NAALADL2: variants seen among roughly 807,000 people sequenced by gnomAD.
NAALADL2 encodes N-acetylated alpha-linked acidic dipeptidase like 2.
Under a neutral mutation model 87.2 loss-of-function variants are expected in NAALADL2, and 76 were observed. The observed-to-expected ratio is 0.87, with a 90% CI of 0.72 to 1.05. The LOEUF (loss-of-function observed/expected upper bound fraction) is 1.05. Among genes scored for constraint, NAALADL2 ranks in the 50% least tolerant of loss-of-function variants. The pLI, the probability that NAALADL2 is intolerant of heterozygous loss-of-function variation, is 0.00. For synonymous variants in NAALADL2, 354 were observed against 331.0 expected (o/e 1.07, Z -0.75); for missense variants, 1,089 against 945.8 (o/e 1.15, Z -1.99).
intron 1 of NAALADL2, among the ~76,000 whole-genome samples, chr3:174,860,078 A>C (rs575367815): frequency 2.5e-4 from 38 of 152,192 alleles, no homozygotes; most frequent in African/African-American, 8.7e-4. Flanking sequence ...CACCGAAACA[A>C]ATTTAAGGTC....
intron 1 of NAALADL2, among the ~76,000 whole-genome samples, chr3:174,893,535 A>G (rs999925127): frequency 6.6e-6 from 1 of 152,168 alleles, no homozygotes; most frequent in Non-Finnish European, 1.5e-5. Flanking sequence ...AATAGAAGAA[A>G]CAAAAAGTTA....
intron 2 of NAALADL2, among the ~76,000 whole-genome samples, chr3:174,612,095 G>T (rs962746014): frequency 5.3e-5 from 8 of 151,936 alleles, no homozygotes; most frequent in Non-Finnish European, 1.2e-4. Flanking sequence ...ATTTCCTTTA[G>T]CACTTTAAGT....
chr3:175,496,206 TCA>T (rs1421679181), intron 9 of NAALADL2, among the ~76,000 whole-genome samples: 1 of 152,154 alleles, frequency 6.6e-6, no homozygotes, highest in Non-Finnish European at 1.5e-5. Flanking sequence ...ACACCAGAAT[TCA>T]CAGTTTGTCT....
intron 4 of NAALADL2, among the ~76,000 whole-genome samples, chr3:175,295,681 C>T (rs1358843021): frequency 6.6e-6 from 1 of 151,134 alleles, no homozygotes; most frequent in Admixed American, 6.6e-5. Context: ...GACAATCATA[C>T]TTCCCTACTT....
In NAALADL2 at chr3:175,381,512, A is replaced by C. The variant is rs571067572; in HGVS notation, c.1090+57187A>C. Reference sequence around the variant, plus strand: ...TCATAATAATCTTCTTAAATTATTTACATATTTTAAATATCTCATTTAATA... The same window carrying C: ...TCATAATAATCTTCTTAAATTATTTCCATATTTTAAATATCTCATTTAATA... On this transcript the variant is annotated intron_variant, in intron 5 of 13. Coordinates refer to ENST00000454872, the MANE Select transcript of NAALADL2 (RefSeq NM_207015.3). Among the ~76,000 whole-genome samples the C allele has an allele frequency of 5.3e-5, 8 of 152,244 alleles. No individual in the cohort carries two copies. In the South Asian group the frequency reaches 1.7e-3, roughly 32 times the overall value.
At chr3:174,801,422 G>A (rs1487622788) in intron 3 of NAALADL2, among the ~76,000 whole-genome samples, 2 of 152,182 alleles carry the variant, frequency 1.3e-5, no homozygotes, top group African/African-American at 4.8e-5. Context: ...AGCCATGATT[G>A]TGAGACTTCT....
At position 174,994,415 on chromosome 3, in the gene NAALADL2, A is replaced by G. The variant is rs796534238; in HGVS notation, c.44-102375A>G. On this transcript the variant is annotated intron_variant, in intron 1 of 13. Transcript: ENST00000454872. The stretch of plus-strand genomic sequence containing the variant: ...TTTCAAATCTTTAAACATTCTTAAC[A>G]CTTTAAATATAGCAAACACAAATCC... 7.2e-5 allele frequency among the ~76,000 whole-genome samples: 11 copies of G among 152,288 alleles called. No homozygotes were observed. In the South Asian group the frequency reaches 1.9e-3, roughly 26 times the overall value.
intron 1 of NAALADL2, among the ~76,000 whole-genome samples, chr3:174,951,363 C>T (rs936111831): frequency 2.6e-5 from 4 of 151,968 alleles, no homozygotes; most frequent in Admixed American, 2.0e-4. Flanking sequence ...TAAGAAAGAA[C>T]CTGCAAGCTC....
Position 175,096,812 on chromosome 3 carries a change from G to A in NAALADL2, c.66G>A (p.Lys22=), listed in dbSNP as rs199723059. The A allele has an allele frequency of 2.5e-6, 4 of 1,576,462 alleles. No individual in the cohort carries two copies. Among genetic ancestry groups the A allele is most frequent in the Non-Finnish European group, 8.6e-7 (1 of 1,163,446 alleles). Residue 22 remains lysine, a synonymous_variant, in exon 2 of 14, where the codon AAG becomes AAA. Transcript: ENST00000454872. ...CAGGTAAAAAGATGGCCTATCAGAA[G>A]GTCCATGCAGATCAAAGAGCTCCAG... ...SLQGKKMAYQ[K]VHADQRAPGH...
chr3:175,118,126 G>A (rs1179759836), intron 2 of NAALADL2, among the ~76,000 whole-genome samples: 1 of 151,764 alleles, frequency 6.6e-6, no homozygotes, highest in African/African-American at 2.4e-5. Flanking sequence ...AGGGTGGGGG[G>A]GAGGCCAGTC....
At chr3:175,084,576 C>G (rs1280315602) in intron 1 of NAALADL2, among the ~76,000 whole-genome samples, 1 of 152,162 alleles carries the variant, frequency 6.6e-6, no homozygotes, top group Middle Eastern at 3.2e-3. Flanking sequence ...CACTATCAAT[C>G]TGCTTAAGAA....
At chr3:174,632,889 C>A (rs1323390399) in intron 2 of NAALADL2, among the ~76,000 whole-genome samples, 2 of 132,222 alleles carry the variant, frequency 1.5e-5, no homozygotes, top group Admixed American at 8.7e-5. Flanking sequence ...GAGCCGAGAT[C>A]GCGCCAGTGC....
intron 2 of NAALADL2, among the ~76,000 whole-genome samples, chr3:175,116,606 A>G (rs1230666553): frequency 6.6e-6 from 1 of 152,164 alleles, no homozygotes. Flanking sequence ...ATGGAAAAAC[A>G]TTCCATGCTC....
chr3:174,928,461 C>T (rs901633793), intron 1 of NAALADL2, among the ~76,000 whole-genome samples: 2 of 152,098 alleles, frequency 1.3e-5, no homozygotes, highest in African/African-American at 2.4e-5. Flanking sequence ...AGGCTAGTCT[C>T]GAACACCTGA....
At chr3:175,394,812 C>A (rs910358802) in intron 5 of NAALADL2, among the ~76,000 whole-genome samples, 1 of 152,174 alleles carries the variant, frequency 6.6e-6, no homozygotes, top group Non-Finnish European at 1.5e-5. Context: ...TAATCATATA[C>A]TGTGACAGTA....
intron 1 of NAALADL2, among the ~76,000 whole-genome samples, chr3:174,929,888 A>C (rs1736619632): frequency 6.6e-6 from 1 of 152,146 alleles, no homozygotes; most frequent in Non-Finnish European, 1.5e-5. Flanking sequence ...CCTACCTCAT[A>C]AGATTTTTGT....
intron 2 of NAALADL2, among the ~76,000 whole-genome samples, chr3:174,646,515 C>T (rs12696361): frequency 0.38 from 57,634 of 151,564 alleles, 11,363 homozygotes; most frequent in Middle Eastern, 0.5. Context: ...TTAATTTAGC[C>T]ATCCAAGGTA....
intron 1 of NAALADL2, among the ~76,000 whole-genome samples, chr3:174,867,127 TAATA>T (rs138049866): frequency 0.019 from 2,889 of 151,780 alleles, 98 homozygotes; most frequent in African/African-American, 0.065. Context: ...ATTGATTAGA[TAATA>T]AATAGTTTAT....
At chr3:175,022,669 C>T (rs942570480) in intron 1 of NAALADL2, among the ~76,000 whole-genome samples, 5 of 152,044 alleles carry the variant, frequency 3.3e-5, no homozygotes, top group African/African-American at 4.8e-5. Flanking sequence ...TCATTCTAAT[C>T]CTGGCCAAAG....
Sources: gnomAD v4.1 joint callset for allele counts (sites outside exome capture counted in the v4.1 genomes callset) on GRCh38, gnomAD v4.1.1 for gene constraint, MANE v1.5 for transcripts, NCBI Gene and HGNC (gene_info 2026-07-23, HGNC 2026-07-21) for gene names.